The following ERICH6B variants were observed in gnomAD, a reference collection of about 807,000 sequenced individuals.
ERICH6B encodes glutamate rich 6B, also known as glutamate-rich protein 6B.
ERICH6B carries 69 observed loss-of-function variants against 80.0 expected under a neutral mutation model. That is an observed-to-expected ratio of 0.86 (90% CI 0.71 to 1.05). The LOEUF (loss-of-function observed/expected upper bound fraction) is 1.05. Ranked by LOEUF, ERICH6B falls within the 50% of genes least tolerant of loss-of-function variation. ERICH6B has a pLI of 0.00. For missense variants in ERICH6B, 754 were observed against 796.1 expected, an observed-to-expected ratio of 0.95 and a Z score of 0.64; for synonymous variants, 283 against 291.9, an observed-to-expected ratio of 0.97 and a Z score of 0.31.
chr13:45,590,931 G>A (rs1454889744), intron 3 of ERICH6B, among the ~76,000 whole-genome samples: 1 of 152,122 alleles, frequency 6.6e-6, no homozygotes, highest in African/African-American at 2.4e-5. Flanking sequence ...TTGGAAATTC[G>A]AGTTTGCTTT....
rs1876399509 is a variant in ERICH6B at position 45,596,690 on chromosome 13, CCTCCAGATACCCTGCCTT to C, written c.298_315del (p.Lys100_Glu105del). ...TCTTCCTCTTCAATATACTCTTCCT[CCTCCAGATACCCTGCCTT>C]CTCCAGATACTCTTCCTCCTCCAGA... On this transcript the variant is annotated inframe_deletion, in exon 3 of 15. Transcript: ENST00000298738. The C allele has an allele frequency of 6.4e-7, 1 of 1,551,954 alleles. No individual in the cohort carries two copies. The highest frequency in any genetic ancestry group is 1.4e-5 in the African/African-American group (1 of 73,092).
At chr13:45,562,913 G>A (rs1486829792) in intron 10 of ERICH6B, among the ~76,000 whole-genome samples, 2 of 152,186 alleles carry the variant, frequency 1.3e-5, no homozygotes, top group African/African-American at 4.8e-5. Flanking sequence ...AGGGAATCAG[G>A]CAGAGACAAG....
intron 6 of ERICH6B, 50 bp downstream of exon 6, chr13:45,580,553 G>C: frequency 2.0e-6 from 3 of 1,533,044 alleles, no homozygotes; most frequent in Non-Finnish European, 2.7e-6. Flanking sequence ...ACCTTCTCTG[G>C]GATGGATGAC....
intron 13 of ERICH6B, among the ~76,000 whole-genome samples, chr13:45,546,200 T>A (rs1873984335): frequency 6.6e-6 from 1 of 152,218 alleles, no homozygotes; most frequent in Non-Finnish European, 1.5e-5. Flanking sequence ...GGGGCTTGCC[T>A]GCCCTCTGAG....
chr13:45,587,503 T>C (rs1875962629), intron 4 of ERICH6B, among the ~76,000 whole-genome samples: 1 of 152,206 alleles, frequency 6.6e-6, no homozygotes, highest in African/African-American at 2.4e-5. Flanking sequence ...TGGTCATAAC[T>C]GACAGACGTT....
intron 3 of ERICH6B, 108 bp downstream of exon 3, chr13:45,596,261 C>G (rs1484032038): frequency 7.5e-7 from 1 of 1,325,110 alleles, no homozygotes; most frequent in Non-Finnish European, 1.0e-6. Context: ...CTTTGGGATG[C>G]CCTCCTCCAG....
At position 45,561,531 on chromosome 13, in the gene ERICH6B, C is replaced by T; in HGVS notation, c.1250-5G>A. ...TCATCTCTGTTAACTTTTGAGCTGC[C>T]ATTCAATTCAACGATTGCATTGAAT... is the stretch of plus-strand genomic sequence containing the variant. On this transcript the variant is annotated splice_region_variant and splice_polypyrimidine_tract_variant and intron_variant, in intron 10 of 14. Transcript: ENST00000298738. The T allele has an allele frequency of 6.4e-7, 1 of 1,550,720 alleles. No homozygotes were observed.
chr13:45,601,039 G>A (rs1020741574), intron 2 of ERICH6B, among the ~76,000 whole-genome samples: 1 of 152,098 alleles, frequency 6.6e-6, no homozygotes, highest in Non-Finnish European at 1.5e-5. Flanking sequence ...AATTCTGTCA[G>A]GCTGGTTTAG....
At chr13:45,549,613 G>C (rs746330779) in intron 13 of ERICH6B, among the ~76,000 whole-genome samples, 2 of 152,190 alleles carry the variant, frequency 1.3e-5, no homozygotes, top group Non-Finnish European at 2.9e-5. Flanking sequence ...TATCACAAAG[G>C]TGACTCTTAA....
At chr13:45,582,980 A>G (rs896452915) in intron 5 of ERICH6B, among the ~76,000 whole-genome samples, 6 of 152,086 alleles carry the variant, frequency 3.9e-5, no homozygotes, top group African/African-American at 1.4e-4. Context: ...CATTTCACCA[A>G]CTTCCCACAA....
At chr13:45,578,499 G>T (rs1875518157) in intron 7 of ERICH6B, among the ~76,000 whole-genome samples, 3 of 152,184 alleles carry the variant, frequency 2.0e-5, no homozygotes, top group Admixed American at 1.3e-4. Flanking sequence ...AAATGGAGGG[G>T]GAGAACAGTA....
At chr13:45,550,121 G>T in intron 12 of ERICH6B, 76 bp from the exon 13 acceptor site, 3 of 1,538,142 alleles carry the variant, frequency 2.0e-6, no homozygotes, top group Non-Finnish European at 8.8e-7. Flanking sequence ...GATGATGCAG[G>T]CCTCAGTCAA....
In ERICH6B at chr13:45,544,990, A is replaced by G; in HGVS notation, c.1647-5T>C. 1 of 1,549,500 alleles carries G rather than the reference A, an allele frequency of 6.5e-7. No individual in the cohort carries two copies. The highest frequency in any genetic ancestry group is 8.7e-7 in the Non-Finnish European group (1 of 1,146,276). On this transcript the variant is annotated splice_polypyrimidine_tract_variant and splice_region_variant and intron_variant, in intron 13 of 14. Transcript: ENST00000298738. ...AGGTTGGAGCTCAGGTTCAACCTGG[A>G]CCAGGAGAAAGCATGTCAGGCAGCC... is the stretch of plus-strand genomic sequence containing the variant.
chr13:45,592,512 A>T (rs1381246846), intron 3 of ERICH6B, among the ~76,000 whole-genome samples: 1 of 152,366 alleles, frequency 6.6e-6, no homozygotes, highest in South Asian at 2.1e-4. Context: ...GAATTACAGC[A>T]TTTAGGCCAG....
At chr13:45,607,669 CAT>C (rs1949876251) in intron 1 of ERICH6B, 54 bp from the exon 2 acceptor site, 1 of 152,254 alleles carries the variant, frequency 6.6e-6, no homozygotes, top group Non-Finnish European at 1.5e-5. Context: ...CAGAGAAAAA[CAT>C]ATTTCTTAGT....
intron 10 of ERICH6B, among the ~76,000 whole-genome samples, chr13:45,563,493 G>C (rs989049771): frequency 4.6e-5 from 7 of 152,144 alleles, no homozygotes; most frequent in Non-Finnish European, 1.0e-4. Flanking sequence ...CTCGCTCTGT[G>C]TTCAGATCCC....
chr13:45,580,856 G>A (rs1875627056), intron 5 of ERICH6B, among the ~76,000 whole-genome samples, 191 bp from the exon 6 acceptor site: 1 of 152,092 alleles, frequency 6.6e-6, no homozygotes. Flanking sequence ...CTTTGGCTTT[G>A]GTAAATCACT....
At position 45,598,334 on chromosome 13, in the gene ERICH6B, T is replaced by C. The variant is rs536758233; in HGVS notation, c.-58-1271A>G. On this transcript the variant is annotated intron_variant, in intron 2 of 14. Coordinates refer to ENST00000298738, the MANE Select transcript of ERICH6B (RefSeq NM_182542.3). Reference sequence around the variant, plus strand: ...AGATGTTCAATAAACATATGGCCAGTGACTGAATGAAGGGCCAAGAAGAGG... The same window carrying C: ...AGATGTTCAATAAACATATGGCCAGCGACTGAATGAAGGGCCAAGAAGAGG... Among the ~76,000 whole-genome samples the C allele has an allele frequency of 3.9e-5, 6 of 152,284 alleles. No individual in the cohort carries two copies. In the East Asian group the frequency reaches 1.2e-3, roughly 29 times the overall value.
Position 45,596,686 on chromosome 13 carries a change from T to C in ERICH6B, c.320A>G (p.Glu107Gly), listed in dbSNP as rs1876399241. Residue 107 changes from glutamate to glycine, a missense_variant, in exon 3 of 15, where the codon GAA becomes GGA. Glu to Gly is a moderately conservative substitution (Grantham distance 98). Coordinates refer to ENST00000298738, the MANE Select transcript of ERICH6B (RefSeq NM_182542.3). ...ATACTCTTCCTCTTCAATATACTCT[T>C]CCTCCTCCAGATACCCTGCCTTCTC... is the stretch of plus-strand genomic sequence containing the variant. ...YLEKAGYLEE[E>G]EYIEEEEYLG... 1.3e-6 allele frequency: 2 copies of C among 1,551,838 alleles called. No individual in the cohort carries two copies. The highest frequency in any genetic ancestry group is 2.4e-5 in the South Asian group (2 of 84,056).
Sources: allele counts gnomAD v4.1 joint callset (sites outside exome capture counted in the v4.1 genomes callset), GRCh38; gene constraint gnomAD v4.1.1; transcripts MANE v1.5; gene names NCBI Gene and HGNC (gene_info 2026-07-23, HGNC 2026-07-21).